NELL2: variants seen among roughly 807,000 people sequenced by gnomAD.
NELL2 encodes protein kinase C-binding protein NELL2.
NELL2 carries 41 observed loss-of-function variants against 109.6 expected under a neutral mutation model. The ratio of observed to expected loss-of-function variants is 0.37; its 90% CI spans 0.29 to 0.49. NELL2 has a LOEUF of 0.49. Ranked by LOEUF, NELL2 falls within the 20% of genes least tolerant of loss-of-function variation. The pLI is 0.98. For missense variants in NELL2, 900 were observed against 1,008.3 expected (o/e 0.89, Z 1.45); for synonymous variants, 355 against 344.7 (o/e 1.03, Z -0.33).
At chr12:44,624,896 TC>T in intron 13 of NELL2, among the ~76,000 whole-genome samples, 1 of 150,942 alleles carries the variant, frequency 6.6e-6, no homozygotes. Context: ...TATGGAAAGT[TC>T]CAGATCAGTG....
chr12:44,795,274 C>T (rs911441345), intron 3 of NELL2, among the ~76,000 whole-genome samples: 1 of 152,006 alleles, frequency 6.6e-6, no homozygotes, highest in Admixed American at 6.6e-5. Flanking sequence ...GCCATATGTA[C>T]TTCTAGTGCC....
Position 44,802,274 on chromosome 12 carries a change from T to A in NELL2, c.335+13712A>T, listed in dbSNP as rs12099796. On this transcript the variant is annotated intron_variant, in intron 3 of 19. Transcript: ENST00000429094. Reference sequence around the variant, plus strand: ...GGAAAACATGAGGTTTATTTTTAAATGAATAAAACATACATTTTAACCAAC... The same window carrying A: ...GGAAAACATGAGGTTTATTTTTAAAAGAATAAAACATACATTTTAACCAAC... Among the ~76,000 whole-genome samples the A allele has an allele frequency of 1.3e-4, 20 of 152,192 alleles. 2 individuals carry two copies. The South Asian group carries it at 3.9e-3, about 30-fold the overall frequency.
At chr12:44,743,136 G>A (rs1940101060) in intron 9 of NELL2, among the ~76,000 whole-genome samples, 1 of 152,040 alleles carries the variant, frequency 6.6e-6, no homozygotes, top group Admixed American at 6.6e-5. Context: ...AAGAGCATGG[G>A]GACCAATATT....
chr12:44,701,367 A>C (rs1949223836), intron 12 of NELL2, among the ~76,000 whole-genome samples: 1 of 152,144 alleles, frequency 6.6e-6, no homozygotes, highest in Non-Finnish European at 1.5e-5. Flanking sequence ...AATTAGTATA[A>C]AGTTGTAAAA....
chr12:44,640,017 A>AT (rs895677665), intron 13 of NELL2, among the ~76,000 whole-genome samples: 3 of 151,694 alleles, frequency 2.0e-5, no homozygotes, highest in Non-Finnish European at 2.9e-5. Flanking sequence ...GGCTGTCACT[A>AT]TTTTTTTTCT....
intron 12 of NELL2, among the ~76,000 whole-genome samples, chr12:44,699,801 G>C (rs747962003): frequency 2.6e-5 from 4 of 151,892 alleles, no homozygotes; most frequent in Non-Finnish European, 4.4e-5. Flanking sequence ...TCTTCTCTTG[G>C]CTTCTGTGAC....
At chr12:44,518,380 GACT>G (rs779280121) in intron 19 of NELL2, among the ~76,000 whole-genome samples, 44 of 152,138 alleles carry the variant, frequency 2.9e-4, no homozygotes, top group Non-Finnish European at 5.6e-4. Flanking sequence ...GAGTAGCTGG[GACT>G]ACAGGCACCC....
At chr12:44,799,700 GT>G (rs1213478259) in intron 3 of NELL2, among the ~76,000 whole-genome samples, 1 of 152,060 alleles carries the variant, frequency 6.6e-6, no homozygotes, top group Non-Finnish European at 1.5e-5. Flanking sequence ...ATTCTGAAGG[GT>G]TTTCAGGTGT....
In NELL2 at chr12:44,736,435, T is replaced by G. The variant is rs1410011330; in HGVS notation, c.995-21694A>C. 3.3e-5 allele frequency among the ~76,000 whole-genome samples: 5 copies of G among 152,126 alleles called. No individual in the cohort carries two copies. In the South Asian group the frequency reaches 8.3e-4, roughly 25 times the overall value. ...AAGGCAAAGACTAAGATTCTAGCAT[T>G]CTAAAGGGCAAAGTAGACACTAACA... On this transcript the variant is annotated intron_variant, in intron 9 of 19. Coordinates refer to ENST00000429094, the MANE Select transcript of NELL2 (RefSeq NM_001145108.2).
chr12:44,769,487 G>T (rs1240485757), intron 9 of NELL2, among the ~76,000 whole-genome samples: 1 of 151,994 alleles, frequency 6.6e-6, no homozygotes, highest in Non-Finnish European at 1.5e-5. Context: ...TGGGGCAACT[G>T]GAATTTTCCT....
At chr12:44,535,615 T>C (rs1216720542) in intron 15 of NELL2, among the ~76,000 whole-genome samples, 3 of 152,112 alleles carry the variant, frequency 2.0e-5, no homozygotes, top group Admixed American at 2.0e-4. Context: ...ACCAGTGATA[T>C]GGTATGTAGG....
chr12:44,725,507 A>T (rs1266977335), intron 9 of NELL2, among the ~76,000 whole-genome samples: 1 of 152,216 alleles, frequency 6.6e-6, no homozygotes, highest in Non-Finnish European at 1.5e-5. Flanking sequence ...TACTGGGTAC[A>T]TACTCAGACA....
intron 3 of NELL2, among the ~76,000 whole-genome samples, chr12:44,798,624 T>C (rs1013314774): frequency 6.6e-6 from 1 of 152,160 alleles, no homozygotes; most frequent in East Asian, 1.9e-4. Flanking sequence ...AAGCTGATTC[T>C]AGAATTATAA....
intron 13 of NELL2, among the ~76,000 whole-genome samples, chr12:44,653,108 T>C (rs1947360916): frequency 6.6e-6 from 1 of 152,154 alleles, no homozygotes; most frequent in South Asian, 2.1e-4. Flanking sequence ...ATCTGGGGAT[T>C]AGGATGTGAA....
intron 9 of NELL2, among the ~76,000 whole-genome samples, chr12:44,718,464 C>T (rs1035525814): frequency 6.6e-6 from 1 of 152,160 alleles, no homozygotes; most frequent in Non-Finnish European, 1.5e-5. Context: ...ATTGCATGCA[C>T]ATGTTTACAG....
chr12:44,791,462 T>G (rs1942430005), intron 3 of NELL2, among the ~76,000 whole-genome samples: 1 of 151,002 alleles, frequency 6.6e-6, no homozygotes, highest in Non-Finnish European at 1.5e-5. Flanking sequence ...TAAAAGACTA[T>G]AAATAGAGTA....
Position 44,510,290 on chromosome 12 carries a change from C to T in NELL2, c.2401-1306G>A, listed in dbSNP as rs368327346. Among the ~76,000 whole-genome samples the T allele has an allele frequency of 7.9e-5, 12 of 152,232 alleles. No homozygotes were observed. The East Asian group carries it at 2.3e-3, about 29-fold the overall frequency. On this transcript the variant is annotated intron_variant, in intron 19 of 19. Coordinates refer to ENST00000429094, the MANE Select transcript of NELL2 (RefSeq NM_001145108.2). The stretch of plus-strand genomic sequence containing the variant: ...CCGCACAGCATTCCCAGTTGGATTC[C>T]TATTAATAGTCACACGTTTTAGATT...
At chr12:44,897,549 C>T (rs1230036890) in intron 1 of NELL2, among the ~76,000 whole-genome samples, 5 of 152,248 alleles carry the variant, frequency 3.3e-5, no homozygotes, top group Admixed American at 1.3e-4. Flanking sequence ...CAAGGGAAGC[C>T]GTGAGGGACT....
Position 44,856,834 on chromosome 12 carries a change from T to C in NELL2, c.184+18391A>G, listed in dbSNP as rs184799175. ...GAAAGCTTGGAGCAAAGCAGTGACA[T>C]GATATGTATTACATTTTAAAAGGAT... On this transcript the variant is annotated intron_variant, in intron 2 of 19. Transcript: ENST00000429094. Among the ~76,000 whole-genome samples the C allele has an allele frequency of 3.9e-5, 6 of 152,262 alleles. No individual in the cohort carries two copies. In the East Asian group the frequency reaches 9.6e-4, roughly 24 times the overall value.
Sources: gnomAD v4.1 joint callset for allele counts (sites outside exome capture counted in the v4.1 genomes callset) on GRCh38, gnomAD v4.1.1 for gene constraint, MANE v1.5 for transcripts, NCBI Gene and HGNC (gene_info 2026-07-23, HGNC 2026-07-21) for gene names.